The following GPC5 variants were observed in gnomAD, a reference collection of about 807,000 sequenced individuals.
GPC5 encodes glypican-5.
A neutral mutation model predicts 53.9 loss-of-function variants in GPC5; 47 were observed. That is an observed-to-expected ratio of 0.87 (90% CI 0.69 to 1.11). The LOEUF is 1.11. GPC5 is among the 50% of genes most tolerant of loss of function. The pLI is 0.00. For synonymous variants in GPC5, 286 were observed against 263.3 expected, an observed-to-expected ratio of 1.09 and a Z score of -0.84; for missense variants, 748 against 713.1, an observed-to-expected ratio of 1.05 and a Z score of -0.56.
intron 7 of GPC5, among the ~76,000 whole-genome samples, chr13:92,421,038 A>C (rs1409109655): frequency 2.6e-5 from 4 of 152,250 alleles, no homozygotes; most frequent in Non-Finnish European, 5.9e-5. Flanking sequence ...CCACTAAGGT[A>C]TAAACGAGAC....
chr13:92,376,964 G>A (rs1260990127), intron 7 of GPC5, among the ~76,000 whole-genome samples: 3 of 151,376 alleles, frequency 2.0e-5, no homozygotes, highest in South Asian at 2.1e-4. Context: ...GCAGTGAGCC[G>A]ACATCGTGCC....
intron 6 of GPC5, among the ~76,000 whole-genome samples, chr13:91,924,261 T>C (rs1235755788): frequency 6.6e-6 from 1 of 152,240 alleles, no homozygotes; most frequent in African/African-American, 2.4e-5. Flanking sequence ...TTGTCATTAT[T>C]ATTAATGAGA....
intron 7 of GPC5, among the ~76,000 whole-genome samples, chr13:92,400,506 T>C (rs1029142116): frequency 1.3e-5 from 2 of 152,228 alleles, no homozygotes; most frequent in Non-Finnish European, 2.9e-5. Flanking sequence ...CTCTATCCTT[T>C]TGCTTATGTT....
In GPC5 at chr13:92,758,994, G is replaced by GTTTTTTTTTTTTTT. The variant is rs68182839; in HGVS notation, c.1562-107276_1562-107263dup. ...CAGAGAATATCCTTTTCCCATTGCG[G>GTTTTTTTTTTTTTT]TTTTTTTTTTTTTTTTTTTTTTTTT... On this transcript the variant is annotated intron_variant, in intron 7 of 7. Coordinates refer to ENST00000377067, the MANE Select transcript of GPC5 (RefSeq NM_004466.6). Among the ~76,000 whole-genome samples, 12 of 70,570 alleles carry GTTTTTTTTTTTTTT rather than the reference G, an allele frequency of 1.7e-4. 2 individuals are homozygous for GTTTTTTTTTTTTTT. The highest frequency in any genetic ancestry group is 6.3e-4 in the Admixed American group (3 of 4,796). 46.3% of individuals were successfully genotyped at this position (70,570 alleles called of 152,430 possible). A position where few individuals can be genotyped will look rare whatever the true frequency, so the allele number is the denominator to read the frequency against.
chr13:92,451,914 C>T (rs992083121), intron 7 of GPC5, among the ~76,000 whole-genome samples: 1 of 152,070 alleles, frequency 6.6e-6, no homozygotes, highest in Non-Finnish European at 1.5e-5. Flanking sequence ...AGTATCTCTG[C>T]GATGTGGTGA....
Position 92,061,918 on chromosome 13 carries a change from G to A in GPC5, c.1402-82912G>A, listed in dbSNP as rs554384514. ...TTTTCTTAAGAAAATAAAACTGTAG[G>A]CTATAAGATCTTTTTCATCCCTACT... On this transcript the variant is annotated intron_variant, in intron 6 of 7. Transcript: ENST00000377067. Among the ~76,000 whole-genome samples the A allele has an allele frequency of 3.2e-4, 48 of 151,958 alleles. 1 individual carries two copies. Among genetic ancestry groups the A allele is most frequent in the African/African-American group, 1.1e-3 (44 of 41,420 alleles).
intron 7 of GPC5, among the ~76,000 whole-genome samples, chr13:92,288,808 C>T (rs967357376): frequency 6.6e-6 from 1 of 152,108 alleles, no homozygotes; most frequent in East Asian, 1.9e-4. Flanking sequence ...TATTTTAGTT[C>T]TTTATGCTTA....
At chr13:92,839,660 C>T (rs1878352847) in intron 7 of GPC5, among the ~76,000 whole-genome samples, 1 of 151,986 alleles carries the variant, frequency 6.6e-6, no homozygotes, top group African/African-American at 2.4e-5. Flanking sequence ...GCATAGTACT[C>T]CATGGTGTAT....
At chr13:92,711,750 AT>A (rs1436698732) in intron 7 of GPC5, among the ~76,000 whole-genome samples, 1 of 152,086 alleles carries the variant, frequency 6.6e-6, no homozygotes, top group Admixed American at 6.6e-5. Flanking sequence ...TCAAACCACA[AT>A]GGCATCAAAT....
intron 7 of GPC5, among the ~76,000 whole-genome samples, chr13:92,671,981 G>A (rs1313634903): frequency 2.0e-5 from 3 of 152,128 alleles, no homozygotes; most frequent in Non-Finnish European, 4.4e-5. Flanking sequence ...TCATTGCCAG[G>A]GAATATAGTG....
intron 2 of GPC5, among the ~76,000 whole-genome samples, chr13:91,500,184 C>T (rs1884539310): frequency 6.6e-6 from 1 of 152,182 alleles, no homozygotes; most frequent in Non-Finnish European, 1.5e-5. Context: ...TTGTCTGTCT[C>T]TTGCCATTAG....
At chr13:92,359,329 C>T (rs1257126295) in intron 7 of GPC5, among the ~76,000 whole-genome samples, 8 of 151,690 alleles carry the variant, frequency 5.3e-5, no homozygotes, top group Admixed American at 5.2e-4. Flanking sequence ...CTACCTCACC[C>T]TGGACTTTAT....
intron 6 of GPC5, among the ~76,000 whole-genome samples, chr13:91,947,521 AC>A (rs897510765): frequency 3.6e-4 from 54 of 152,086 alleles, no homozygotes; most frequent in African/African-American, 1.3e-3. Flanking sequence ...TTGTTTCACC[AC>A]CCCATTGTAG....
Position 91,500,893 on chromosome 13 carries a change from T to G in GPC5, c.325+51971T>G, listed in dbSNP as rs889318398. Reference sequence around the variant, plus strand: ...CCCATACTGTTCTCATGGTGGTGAATAAATCTCATGAGATCTGATGGTTTT... The same window carrying G: ...CCCATACTGTTCTCATGGTGGTGAAGAAATCTCATGAGATCTGATGGTTTT... On this transcript the variant is annotated intron_variant, in intron 2 of 7. Transcript: ENST00000377067. 2.0e-5 allele frequency among the ~76,000 whole-genome samples: 3 copies of G among 152,272 alleles called. No individual in the cohort carries two copies. The East Asian group carries it at 5.8e-4, about 29-fold the overall frequency.
intron 1 of GPC5, among the ~76,000 whole-genome samples, chr13:91,423,295 A>G (rs1878774130): frequency 6.6e-6 from 1 of 152,218 alleles, no homozygotes; most frequent in South Asian, 2.1e-4. Context: ...AGACATTTGT[A>G]TTATTGCTTT....
chr13:91,769,983 G>A (rs917334248), intron 5 of GPC5, among the ~76,000 whole-genome samples: 2 of 152,124 alleles, frequency 1.3e-5, no homozygotes, highest in African/African-American at 4.8e-5. Flanking sequence ...CACTTTAGAT[G>A]CCACTCACAA....
intron 7 of GPC5, among the ~76,000 whole-genome samples, chr13:92,857,660 A>T (rs910274489): frequency 1.3e-5 from 2 of 152,172 alleles, no homozygotes; most frequent in Non-Finnish European, 2.9e-5. Context: ...TGGGCAAAGT[A>T]CATGAAGAGA....
intron 2 of GPC5, among the ~76,000 whole-genome samples, chr13:91,493,104 A>G (rs1028885756): frequency 6.6e-6 from 1 of 152,192 alleles, no homozygotes; most frequent in Non-Finnish European, 1.5e-5. Flanking sequence ...TTGCTTTGTC[A>G]TACTGTTTTG....
Position 92,174,615 on chromosome 13 carries a change from A to G in GPC5, c.1561+29626A>G, listed in dbSNP as rs187725506. Among the ~76,000 whole-genome samples, 111 of 152,274 alleles carry G rather than the reference A, an allele frequency of 7.3e-4. 1 individual carries two copies. The South Asian group carries it at 0.022, about 30-fold the overall frequency. ...AACTCATTACTTCATTCATACATTT[A>G]TCCACCTATACACTTCTTTACTTAA... On this transcript the variant is annotated intron_variant, in intron 7 of 7. Transcript: ENST00000377067.
Sources: allele counts gnomAD v4.1 joint callset (sites outside exome capture counted in the v4.1 genomes callset), GRCh38; gene constraint gnomAD v4.1.1; transcripts MANE v1.5; gene names NCBI Gene and HGNC (gene_info 2026-07-23, HGNC 2026-07-21).